Variants in TSPAN4 observed in about 807,000 individuals in gnomAD.
TSPAN4 encodes tetraspanin 4, also known as tetraspanin-4.
In TSPAN4, 38 loss-of-function variants were observed where a neutral mutation model predicts 31.5. The ratio of observed to expected loss-of-function variants is 1.21; its 90% CI spans 0.93 to 1.58. TSPAN4 has a LOEUF of 1.58. Among genes scored for constraint, TSPAN4 ranks in the 40% most tolerant of loss-of-function variants. The pLI is 0.00. For missense variants in TSPAN4, 330 were observed against 317.3 expected (o/e 1.04, Z -0.30); for synonymous variants, 186 against 144.6 (o/e 1.29, Z -2.06).
intron 3 of TSPAN4, among the ~76,000 whole-genome samples, chr11:855,740 G>A (rs999065282): frequency 2.6e-5 from 4 of 152,226 alleles, no homozygotes; most frequent in Non-Finnish European, 4.4e-5. Flanking sequence ...TAAGTGGACA[G>A]ACTTGTCATC....
At chr11:844,439 TC>T (rs1009417476) in intron 1 of TSPAN4, 1 of 152,234 alleles carries the variant, frequency 6.6e-6, no homozygotes, top group African/African-American at 2.4e-5. Context: ...GCCCCTGAGA[TC>T]TGGAGACTGC....
chr11:844,955 G>C (rs1267444120), intron 1 of TSPAN4, among the ~76,000 whole-genome samples: 2 of 152,164 alleles, frequency 1.3e-5, no homozygotes, highest in Admixed American at 6.5e-5. Flanking sequence ...GACCAGGAGG[G>C]CTGGGAGGGG....
At chr11:849,271 C>T (rs1382607733) in intron 2 of TSPAN4, among the ~76,000 whole-genome samples, 1 of 152,096 alleles carries the variant, frequency 6.6e-6, no homozygotes, top group East Asian at 1.9e-4. Flanking sequence ...TGTTCTGGAA[C>T]CTCCCATATA....
At chr11:853,181 C>T (rs1206229433) in intron 3 of TSPAN4, among the ~76,000 whole-genome samples, 1 of 152,016 alleles carries the variant, frequency 6.6e-6, no homozygotes, top group Non-Finnish European at 1.5e-5. Context: ...GGTGCAGCTT[C>T]CCTCTGCCCC....
At chr11:854,793 G>A (rs1314786030) in intron 3 of TSPAN4, among the ~76,000 whole-genome samples, 1 of 152,228 alleles carries the variant, frequency 6.6e-6, no homozygotes, top group Non-Finnish European at 1.5e-5. Flanking sequence ...ACGATGTCTG[G>A]CAGATGGCAT....
chr11:862,000 CAG>C (rs547342201), intron 3 of TSPAN4, among the ~76,000 whole-genome samples: 80 of 152,300 alleles, frequency 5.3e-4, no homozygotes, highest in South Asian at 1.5e-3. Context: ...CCACGAGTGA[CAG>C]GGGACAGCTG....
At chr11:856,707 G>GCA (rs1164960041) in intron 3 of TSPAN4, among the ~76,000 whole-genome samples, 4 of 152,212 alleles carry the variant, frequency 2.6e-5, no homozygotes, top group African/African-American at 9.6e-5. Flanking sequence ...ACCCCTAGCT[G>GCA]CTCCCCATCT....
At chr11:849,419 C>T (rs572187557) in intron 2 of TSPAN4, among the ~76,000 whole-genome samples, 1 of 152,300 alleles carries the variant, frequency 6.6e-6, no homozygotes, top group Admixed American at 6.5e-5. Context: ...CGGGGTCACC[C>T]TCCATTTGCG....
At chr11:849,827 G>A (rs913715052) in intron 2 of TSPAN4, 17 of 147,252 alleles carry the variant, frequency 1.2e-4, no homozygotes, top group Non-Finnish European at 1.2e-4. Flanking sequence ...GGGGTCGGGG[G>A]CGCGGGGGCC....
Position 862,685 on chromosome 11 carries a change from A to T in TSPAN4, c.199A>T (p.Ile67Phe). The stretch of plus-strand genomic sequence containing the variant: ...CATCACCGGCGCCTTTGTCATGGCC[A>T]TCGGCTTCGTGGGCTGCCTGGGTGC... The part of the protein sequence containing the change: ...LIITGAFVMA[I>F]GFVGCLGAIK... Residue 67 changes from isoleucine (I) to phenylalanine (F), a missense_variant, in exon 4 of 9, where the codon ATC (isoleucine) becomes TTC (phenylalanine). Transcript: ENST00000397397. 1.2e-6 allele frequency: 2 copies of T among 1,613,102 alleles called. No homozygotes were observed. The highest frequency in any genetic ancestry group is 1.7e-6 in the Non-Finnish European group (2 of 1,179,828).
chr11:864,200 C>T (rs1848635518), intron 4 of TSPAN4: 1 of 588,990 alleles, frequency 1.7e-6, no homozygotes, highest in East Asian at 2.8e-5. Context: ...GAGCCCAGGC[C>T]AGCCCAGGGC....
chr11:866,228 C>A (rs1038885824), intron 8 of TSPAN4, among the ~76,000 whole-genome samples: 2 of 150,908 alleles, frequency 1.3e-5, no homozygotes, highest in African/African-American at 4.9e-5. Flanking sequence ...GGCCGGTGGT[C>A]GTCCATGTTG....
intron 3 of TSPAN4, among the ~76,000 whole-genome samples, chr11:854,530 G>A (rs1847941454): frequency 6.6e-6 from 1 of 152,168 alleles, no homozygotes; most frequent in Non-Finnish European, 1.5e-5. Flanking sequence ...CCCCAGGTGG[G>A]CAGTGTGAGT....
intron 4 of TSPAN4, chr11:863,964 G>A (rs1848621327): frequency 1.1e-5 from 2 of 181,840 alleles, no homozygotes; most frequent in African/African-American, 2.4e-5. Context: ...CTGCCCTGAG[G>A]ACTGTGACGT....
At position 845,040 on chromosome 11, in the gene TSPAN4, G is replaced by A. The variant is rs548472699; in HGVS notation, c.-118+2125G>A. ...CTGGGATCCCAGCCCACGTTTCCCT[G>A]TCTGTAAAGCTCAGGTGGGATCAGA... On this transcript the variant is annotated intron_variant, in intron 1 of 8. Transcript: ENST00000397397. Among the ~76,000 whole-genome samples the A allele has an allele frequency of 2.0e-5, 3 of 152,318 alleles. No homozygotes were observed. The East Asian group carries it at 5.8e-4, about 29-fold the overall frequency.
At chr11:860,554 G>T (rs1452674607) in intron 3 of TSPAN4, among the ~76,000 whole-genome samples, 4 of 152,322 alleles carry the variant, frequency 2.6e-5, no homozygotes. Flanking sequence ...GCCCTGCCAG[G>T]GTGGAGGCCC....
intron 3 of TSPAN4, among the ~76,000 whole-genome samples, chr11:860,622 C>T (rs894675001): frequency 1.3e-5 from 2 of 152,126 alleles, no homozygotes; most frequent in African/African-American, 4.8e-5. Flanking sequence ...CTGCTGGTGG[C>T]CAGCAGCTAT....
chr11:850,496 G>C, intron 3 of TSPAN4, 129 bp downstream of exon 3: 1 of 787,580 alleles, frequency 1.3e-6, no homozygotes, highest in Admixed American at 2.5e-5. Context: ...GATGGTCCCG[G>C]GAGGACCCAA....
Position 865,562 on chromosome 11 carries a change from G to T in TSPAN4, c.380G>T (p.Gly127Val). Reference sequence around the variant, plus strand: ...CTGAAGAAAGGCTTGCACCTGTACGGCACGCAGGGCAACGTGGGCCTCACC... The same window carrying T: ...CTGAAGAAAGGCTTGCACCTGTACGTCACGCAGGGCAACGTGGGCCTCACC... Reference protein sequence around the residue: ...QDLKKGLHLYGTQGNVGLTNA... With the variant: ...QDLKKGLHLYVTQGNVGLTNA... The change falls in exon 6 of 9, where the codon GGC becomes GTC. Residue 127 changes from glycine to valine, a missense_variant. Transcript: ENST00000397397. 6.2e-7 allele frequency: 1 copy of T among 1,612,640 alleles called. No homozygotes were observed. The highest frequency in any genetic ancestry group is 8.5e-7 in the Non-Finnish European group (1 of 1,179,874).
Sources: gnomAD v4.1 joint callset for allele counts (sites outside exome capture counted in the v4.1 genomes callset) on GRCh38, gnomAD v4.1.1 for gene constraint, MANE v1.5 for transcripts, NCBI Gene and HGNC (gene_info 2026-07-23, HGNC 2026-07-21) for gene names.